The following ATG7 variants were observed in gnomAD, a reference collection of about 807,000 sequenced individuals.
ATG7 encodes autophagy related 7.
A neutral mutation model predicts 82.4 loss-of-function variants in ATG7; 70 were observed. That is an observed-to-expected ratio of 0.85 (90% confidence interval 0.70 to 1.04). The LOEUF is 1.04. ATG7 is among the 50% of genes least tolerant of loss of function. The pLI is 0.00. For missense variants in ATG7, 792 were observed against 864.3 expected, an observed-to-expected ratio of 0.92 and a Z score of 1.05; for synonymous variants, 287 against 313.0, an observed-to-expected ratio of 0.92 and a Z score of 0.88.
intron 19 of ATG7, among the ~76,000 whole-genome samples, chr3:11,397,208 GAT>G (rs1467401381): frequency 1.3e-5 from 2 of 151,968 alleles, no homozygotes; most frequent in Admixed American, 6.6e-5. Context: ...CTGAAAATAA[GAT>G]ATAAGAACAT....
chr3:11,486,796 CAT>C (rs892112047), intron 20 of ATG7, among the ~76,000 whole-genome samples: 4 of 148,756 alleles, frequency 2.7e-5, no homozygotes, highest in Non-Finnish European at 4.5e-5. Flanking sequence ...TTGAGATAAT[CAT>C]GTGGTTTTTG....
intron 20 of ATG7, among the ~76,000 whole-genome samples, chr3:11,505,421 A>T (rs1404072438): frequency 6.6e-6 from 1 of 152,196 alleles, no homozygotes; most frequent in Non-Finnish European, 1.5e-5. Flanking sequence ...AATTGAAGAC[A>T]TGGACCTTTT....
At chr3:11,401,529 A>G (rs1035292946) in intron 19 of ATG7, among the ~76,000 whole-genome samples, 2 of 152,214 alleles carry the variant, frequency 1.3e-5, no homozygotes, top group Non-Finnish European at 2.9e-5. Context: ...CACTCATGGT[A>G]TCCACTCACA....
chr3:11,363,330 C>T (rs2076397089), intron 17 of ATG7, among the ~76,000 whole-genome samples: 1 of 151,946 alleles, frequency 6.6e-6, no homozygotes, highest in Admixed American at 6.6e-5. Context: ...GCAACCTCTG[C>T]CTTCTAGGTT....
At chr3:11,330,548 C>T (rs979818079) in intron 9 of ATG7, among the ~76,000 whole-genome samples, 3 of 152,182 alleles carry the variant, frequency 2.0e-5, no homozygotes, top group Admixed American at 1.3e-4. Context: ...TTATAAGATG[C>T]TCCAAGCTTC....
intron 20 of ATG7, among the ~76,000 whole-genome samples, chr3:11,513,105 T>C (rs2092136115): frequency 1.3e-5 from 2 of 152,228 alleles, no homozygotes; most frequent in African/African-American, 4.8e-5. Flanking sequence ...AGAGTGCCGA[T>C]TGGTGTATTT....
At chr3:11,450,392 C>T (rs999555419) in intron 20 of ATG7, among the ~76,000 whole-genome samples, 97 of 152,286 alleles carry the variant, frequency 6.4e-4, no homozygotes, top group African/African-American at 2.2e-3. Context: ...CCTCAGTTCT[C>T]TAGATTTGTA....
intron 13 of ATG7, among the ~76,000 whole-genome samples, chr3:11,345,471 T>G (rs1314891665): frequency 6.6e-6 from 1 of 152,212 alleles, no homozygotes; most frequent in Non-Finnish European, 1.5e-5. Flanking sequence ...CTTTGTAAAC[T>G]TTTACAGATG....
intron 20 of ATG7, among the ~76,000 whole-genome samples, chr3:11,494,670 G>C (rs1231319147): frequency 1.3e-5 from 2 of 152,134 alleles, no homozygotes; most frequent in African/African-American, 4.8e-5. Context: ...TCTCTTGATG[G>C]AACACAGATA....
chr3:11,507,384 C>A (rs1160936859), intron 20 of ATG7, among the ~76,000 whole-genome samples: 1 of 152,038 alleles, frequency 6.6e-6, no homozygotes, highest in Non-Finnish European at 1.5e-5. Context: ...ATTTTAAAAA[C>A]CCAAAATTTA....
chr3:11,358,346 T>C, intron 14 of ATG7, 72 bp from the exon 15 acceptor site: 1 of 1,452,070 alleles, frequency 6.9e-7, no homozygotes, highest in Non-Finnish European at 9.4e-7. Context: ...CAGGCAGCTG[T>C]GGGAAGTGTG....
chr3:11,495,669 C>G (rs1414208241), intron 20 of ATG7, among the ~76,000 whole-genome samples: 2 of 36,684 alleles, frequency 5.5e-5, no homozygotes, highest in Non-Finnish European at 8.6e-5. Context: ...CTAATGCTGT[C>G]TTTAAAACTC....
At chr3:11,391,958 T>G (rs1483772481) in intron 19 of ATG7, among the ~76,000 whole-genome samples, 65 of 126,698 alleles carry the variant, frequency 5.1e-4, no homozygotes, top group South Asian at 3.6e-3. Flanking sequence ...TTGTACTTAT[T>G]GGGGGGGGGG....
intron 9 of ATG7, among the ~76,000 whole-genome samples, chr3:11,315,825 C>T (rs1415391490): frequency 1.3e-5 from 2 of 152,218 alleles, no homozygotes; most frequent in Non-Finnish European, 2.9e-5. Flanking sequence ...CTTCCTGGTT[C>T]AAGCGATTCT....
At chr3:11,485,597 T>C (rs2089529972) in intron 20 of ATG7, among the ~76,000 whole-genome samples, 1 of 152,248 alleles carries the variant, frequency 6.6e-6, no homozygotes, top group African/African-American at 2.4e-5. Context: ...TTTGGTGTTT[T>C]AGACATGAAG....
At chr3:11,301,533 A>G (rs764047952) in intron 5 of ATG7, among the ~76,000 whole-genome samples, 5 of 152,304 alleles carry the variant, frequency 3.3e-5, no homozygotes, top group Middle Eastern at 6.8e-3. Context: ...GTACATCCAC[A>G]ATGATTTTAG....
intron 20 of ATG7, among the ~76,000 whole-genome samples, chr3:11,543,521 T>A (rs1235892105): frequency 6.6e-6 from 1 of 152,200 alleles, no homozygotes; most frequent in Non-Finnish European, 1.5e-5. Flanking sequence ...GTGCCCAGGC[T>A]CGAGGAGGCA....
At chr3:11,520,880 A>C (rs2092423701) in intron 20 of ATG7, among the ~76,000 whole-genome samples, 1 of 152,222 alleles carries the variant, frequency 6.6e-6, no homozygotes. Flanking sequence ...CCTGAGAAGT[A>C]GGCACAGTTG....
intron 19 of ATG7, among the ~76,000 whole-genome samples, chr3:11,382,352 G>A (rs1209644753): frequency 2.0e-5 from 3 of 152,242 alleles, no homozygotes. Flanking sequence ...AGGTGGGGAA[G>A]AATACAGTGC....
Sources: gnomAD v4.1 joint callset for allele counts (sites outside exome capture counted in the v4.1 genomes callset) on GRCh38, gnomAD v4.1.1 for gene constraint, MANE v1.5 for transcripts, NCBI Gene and HGNC (gene_info 2026-07-23, HGNC 2026-07-21) for gene names.